USP45: variants seen among roughly 807,000 people sequenced by gnomAD.
USP45 encodes the protein ubiquitin specific peptidase 45.
USP45 carries 89 observed loss-of-function variants against 95.8 expected under a neutral mutation model. The ratio of observed to expected loss-of-function variants is 0.93; its 90% CI spans 0.78 to 1.11. USP45 has a LOEUF of 1.11. Among genes scored for constraint, USP45 ranks in the 50% least tolerant of loss-of-function variants. USP45 has a pLI of 0.00. For missense variants in USP45, 898 were observed against 942.5 expected (o/e 0.95, Z 0.62); for synonymous variants, 281 against 316.2 (o/e 0.89, Z 1.18).
intron 7 of USP45, among the ~76,000 whole-genome samples, chr6:99,483,605 G>A (rs952249999): frequency 4.8e-4 from 73 of 151,926 alleles, no homozygotes; most frequent in Non-Finnish European, 8.2e-4. Context: ...TTGGGAGGCC[G>A]AGGCGGGTGG....
At chr6:99,469,318 T>C (rs995025819) in intron 9 of USP45, among the ~76,000 whole-genome samples, 76 of 151,682 alleles carry the variant, frequency 5.0e-4, no homozygotes, top group Admixed American at 9.9e-4. Context: ...AACTACATAC[T>C]CCAAGAATAA....
At chr6:99,511,080 C>A (rs1799672288) in intron 1 of USP45, among the ~76,000 whole-genome samples, 1 of 152,070 alleles carries the variant, frequency 6.6e-6, no homozygotes, top group Non-Finnish European at 1.5e-5. Flanking sequence ...GGGTTTTTCA[C>A]TCTAGCTTTT....
chr6:99,449,937 A>C (rs1783474614), intron 13 of USP45, among the ~76,000 whole-genome samples: 1 of 152,228 alleles, frequency 6.6e-6, no homozygotes, highest in South Asian at 2.1e-4. Flanking sequence ...ACTACTGGTT[A>C]CATAACGAAA....
At chr6:99,508,007 TTTTG>T (rs1798919927) in intron 3 of USP45, among the ~76,000 whole-genome samples, 1 of 152,180 alleles carries the variant, frequency 6.6e-6, no homozygotes. Flanking sequence ...AAGGCTTTTT[TTTTG>T]TTTGTTTTTT....
intron 14 of USP45, among the ~76,000 whole-genome samples, chr6:99,445,478 A>G (rs978406667): frequency 4.0e-5 from 6 of 150,580 alleles, no homozygotes; most frequent in Admixed American, 3.3e-4. Flanking sequence ...GTGAGACTCC[A>G]TCTCCAAAAA....
chr6:99,488,822 T>C lies in USP45; in HGVS notation c.479-2A>G, dbSNP rs1449332351. 4.5e-6 allele frequency: 7 copies of C among 1,560,816 alleles called. No individual in the cohort carries two copies. The South Asian group carries it at 8.7e-5, about 19-fold the overall frequency. On this transcript the variant is annotated splice_acceptor_variant, in intron 5 of 17. Transcript: ENST00000500704. LOFTEE classifies it high-confidence loss of function. ...GTTTCATGATTCTAGAAAATGCACC[T>C]ACAAGTTAGAGAAAAAATAACTGAC...
At chr6:99,509,798 A>T (rs1799372324) in intron 2 of USP45, among the ~76,000 whole-genome samples, 1 of 152,220 alleles carries the variant, frequency 6.6e-6, no homozygotes. Flanking sequence ...AGATTTCTTA[A>T]TTAAAAACAT....
Position 99,476,065 on chromosome 6 carries a change from G to T in USP45, c.933+78C>A, listed in dbSNP as rs921109727. Reference sequence around the variant, plus strand: ...CTCCTGACCTCAGATGATCCACCCCGCCTTGGCCCCCCAATAATCCCTTAG... The same window carrying T: ...CTCCTGACCTCAGATGATCCACCCCTCCTTGGCCCCCCAATAATCCCTTAG... On this transcript the variant is annotated intron_variant, in intron 9 of 17. Coordinates refer to ENST00000500704, the MANE Select transcript of USP45 (RefSeq NM_001346022.3). 3 of 1,334,238 alleles carry T rather than the reference G, an allele frequency of 2.2e-6. No individual in the cohort carries two copies. The African/African-American group carries it at 4.4e-5, about 20-fold the overall frequency. The allele number at this position is 1,334,238 out of a possible 1,614,324, so 82.6% of individuals were successfully genotyped here.
chr6:99,451,167 T>C (rs1783762248), intron 13 of USP45, among the ~76,000 whole-genome samples: 2 of 152,162 alleles, frequency 1.3e-5, no homozygotes, highest in African/African-American at 2.4e-5. Context: ...TTAACAAGTG[T>C]TGGAAGTTCT....
At chr6:99,510,016 T>C (rs573661431) in intron 2 of USP45, 105 bp downstream of exon 2, 1 of 844,584 alleles carries the variant, frequency 1.2e-6, no homozygotes, top group East Asian at 2.5e-5. Context: ...GGAAAAAAAT[T>C]TGTGTACAAG....
rs1259791164 is a variant in USP45 at position 99,488,874 on chromosome 6, T to C, written c.479-54A>G. ...CAAGATGTAAAGATAAATATGTCACTTAACATAATTTATATACATTATTTA... is the reference window on the plus strand; with the variant it reads ...CAAGATGTAAAGATAAATATGTCACCTAACATAATTTATATACATTATTTA... On this transcript the variant is annotated intron_variant, in intron 5 of 17. Transcript: ENST00000500704. 4.6e-6 allele frequency: 6 copies of C among 1,299,942 alleles called. No homozygotes were observed. The African/African-American group carries it at 9.3e-5, about 20-fold the overall frequency. The allele number at this position is 1,299,942 out of a possible 1,614,324, so 80.5% of individuals were successfully genotyped here.
rs73760082 is a variant in USP45 at position 99,508,572 on chromosome 6, T to C, written c.273+38A>G. 5.6e-3 allele frequency: 8,847 copies of C among 1,581,392 alleles called. 477 individuals are homozygous for C. The African/African-American group carries it at 0.11, about 19-fold the overall frequency. Reference sequence around the variant, plus strand: ...TCACAATAAGCATTTAAGGAAAACATTTCAGACAAACTCACATATAAATAA... The same window carrying C: ...TCACAATAAGCATTTAAGGAAAACACTTCAGACAAACTCACATATAAATAA... On this transcript the variant is annotated intron_variant, in intron 3 of 17. Transcript: ENST00000500704.
intron 13 of USP45, among the ~76,000 whole-genome samples, chr6:99,463,401 G>C (rs1316621345): frequency 1.2e-4 from 19 of 152,090 alleles, no homozygotes; most frequent in Admixed American, 1.2e-3. Flanking sequence ...ACCTAACTAG[G>C]CCTCTAGATC....
chr6:99,443,276 G>A (rs902717271), intron 15 of USP45, among the ~76,000 whole-genome samples: 3 of 152,206 alleles, frequency 2.0e-5, no homozygotes, highest in Non-Finnish European at 2.9e-5. Flanking sequence ...CCCAAAGGCC[G>A]AGGGAGCCAC....
intron 8 of USP45, among the ~76,000 whole-genome samples, chr6:99,478,329 A>G (rs1172201831): frequency 2.0e-5 from 3 of 150,484 alleles, no homozygotes; most frequent in African/African-American, 7.3e-5. Context: ...ATCAAGAGAG[A>G]CTTTCAAACC....
chr6:99,515,907 T>C (rs1366041162), upstream of USP45, among the ~76,000 whole-genome samples: 1 of 151,166 alleles, frequency 6.6e-6, no homozygotes. Flanking sequence ...CCCGAGTAGC[T>C]GGGACTACAG....
Position 99,496,463 on chromosome 6 carries a change from T to C in USP45, c.478+7302A>G, listed in dbSNP as rs373668578. Reference sequence around the variant, plus strand: ...ATAAAACCCACATAATTCATGTCTATTGTAAACCAGGAGCATGAGCTTAAT... The same window carrying C: ...ATAAAACCCACATAATTCATGTCTACTGTAAACCAGGAGCATGAGCTTAAT... On this transcript the variant is annotated intron_variant, in intron 5 of 17. Coordinates refer to ENST00000500704, the MANE Select transcript of USP45 (RefSeq NM_001346022.3). 3.9e-5 allele frequency among the ~76,000 whole-genome samples: 6 copies of C among 152,274 alleles called. No homozygotes were observed. The East Asian group carries it at 7.7e-4, about 20-fold the overall frequency.
At position 99,464,697 on chromosome 6, in the gene USP45, C is replaced by G; in HGVS notation, c.1215G>C (p.Arg405=). The change falls in exon 13 of 18, where the codon CGG becomes CGC. Residue 405 remains arginine (R), a synonymous_variant. Transcript: ENST00000500704. Reference sequence around the variant, plus strand: ...CACTGTATCGATCATGATCTGTCTCCCGTAAACTTCTATATTTATTCATTC... The same window carrying G: ...CACTGTATCGATCATGATCTGTCTCGCGTAAACTTCTATATTTATTCATTC... ...WGRMNKYRSL[R]ETDHDRYSGN... The G allele has an allele frequency of 5.0e-6, 8 of 1,612,404 alleles. No individual in the cohort carries two copies. Among genetic ancestry groups the G allele is most frequent in the Non-Finnish European group, 6.8e-6 (8 of 1,179,704 alleles).
At chr6:99,495,613 C>T (rs1796128934) in intron 5 of USP45, among the ~76,000 whole-genome samples, 1 of 152,180 alleles carries the variant, frequency 6.6e-6, no homozygotes, top group Non-Finnish European at 1.5e-5. Context: ...CACACTTAAA[C>T]ATTATCTACT....
Sources: allele counts gnomAD v4.1 joint callset (sites outside exome capture counted in the v4.1 genomes callset), GRCh38; gene constraint gnomAD v4.1.1; transcripts MANE v1.5; gene names NCBI Gene and HGNC (gene_info 2026-07-23, HGNC 2026-07-21).